The following COL20A1 variants were observed in gnomAD, a reference collection of about 807,000 sequenced individuals.
The protein encoded by COL20A1 is collagen type XX alpha 1 chain.
COL20A1 carries 164 observed loss-of-function variants against 152.9 expected under a neutral mutation model. The ratio of observed to expected loss-of-function variants is 1.07; its 90% CI spans 0.94 to 1.22. The LOEUF (loss-of-function observed/expected upper bound fraction) is 1.22. COL20A1 is among the 50% of genes most tolerant of loss of function. COL20A1 has a pLI of 0.00. For synonymous variants in COL20A1, 864 were observed against 756.0 expected (o/e 1.14, Z -2.34); for missense variants, 1,873 against 1,744.8 (o/e 1.07, Z -1.31).
At position 63,305,319 on chromosome 20, in the gene COL20A1, G is replaced by A; in HGVS notation, c.194-98G>A. On this transcript the variant is annotated intron_variant, in intron 3 of 35. Coordinates refer to ENST00000358894, the MANE Select transcript of COL20A1 (RefSeq NM_020882.4). This position sits in a 1 kb window ranked among gnomAD's most constrained non-coding sequence, Gnocchi z 4.9. ...TCTCTGGCTTCAAGGGGAGCAGCTG[G>A]GGTGGGGAGGAGGAGCCAAGAGGGT... 1.0e-6 allele frequency: 1 copy of A among 978,014 alleles called. No individual in the cohort carries two copies. The highest frequency in any genetic ancestry group is 3.2e-5 in the East Asian group (1 of 30,866). The allele number at this position is 978,014 out of a possible 1,614,324, so 60.6% of individuals were successfully genotyped here. A position where few individuals can be genotyped will look rare whatever the true frequency, so the allele number is the denominator to read the frequency against.
intron 26 of COL20A1, among the ~76,000 whole-genome samples, chr20:63,321,328 C>T (rs1768333293): frequency 6.6e-6 from 1 of 152,170 alleles, no homozygotes; most frequent in African/African-American, 2.4e-5. Flanking sequence ...CCTGCGAACC[C>T]TCCTCTAGTG....
In COL20A1 at chr20:63,312,516, G is replaced by A. The variant is rs1202366877; in HGVS notation, c.1900G>A (p.Gly634Ser). ...VRVTCLYPGG[G>S]SSTLTGRVTT... is the part of the protein sequence containing the mutation. ...TGTCACCTGCCTCTACCCTGGGGGT[G>A]GCTCCTCTACGCTGACTGGCCGGGT... The change falls in exon 15 of 36, where the codon GGC becomes AGC. Residue 634 changes from glycine to serine, a missense_variant. By Grantham distance (56) the Gly-to-Ser change is moderately conservative. Coordinates refer to ENST00000358894, the MANE Select transcript of COL20A1 (RefSeq NM_020882.4). The A allele has an allele frequency of 1.2e-6, 2 of 1,606,718 alleles. No individual in the cohort carries two copies. The highest frequency in any genetic ancestry group is 1.1e-5 in the South Asian group (1 of 90,508).
rs765782240 is a variant in COL20A1 at position 63,311,593 on chromosome 20, G to A, written c.1540-32G>A. On this transcript the variant is annotated intron_variant, in intron 12 of 35. Transcript: ENST00000358894. This position sits in a 1 kb window ranked among gnomAD's most constrained non-coding sequence, Gnocchi z 4.4. The stretch of plus-strand genomic sequence containing the variant: ...GGCAGAGGAGTGGGGCAGAGCGAGT[G>A]GGGGCTGGCCTGGGACGTCATGTCT... 3.1e-6 allele frequency: 5 copies of A among 1,610,396 alleles called. No homozygotes were observed. Among genetic ancestry groups the A allele is most frequent in the South Asian group, 2.2e-5 (2 of 90,922 alleles).
In COL20A1 at chr20:63,301,984, G is replaced by C. The variant is rs1351373245; in HGVS notation, c.194-3433G>C. On this transcript the variant is annotated intron_variant, in intron 3 of 35. Coordinates refer to ENST00000358894, the MANE Select transcript of COL20A1 (RefSeq NM_020882.4). Reference sequence around the variant, plus strand: ...TTTTATTCTCCGCTTTCTTGTCTTTGTTTGAACTGATTTTTCAATGGAAAA... The same window carrying C: ...TTTTATTCTCCGCTTTCTTGTCTTTCTTTGAACTGATTTTTCAATGGAAAA... 2.0e-5 allele frequency among the ~76,000 whole-genome samples: 3 copies of C among 151,632 alleles called. No homozygotes were observed. In the East Asian group the frequency reaches 5.8e-4, roughly 29 times the overall value.
chr20:63,327,724 G>T, intron 31 of COL20A1: 1 of 587,124 alleles, frequency 1.7e-6, no homozygotes, highest in Admixed American at 3.0e-5. Context: ...ACAAGTTCCA[G>T]CCCCACTCAG....
intron 3 of COL20A1, among the ~76,000 whole-genome samples, chr20:63,299,764 A>G (rs1479240714): frequency 6.6e-6 from 1 of 151,916 alleles, no homozygotes; most frequent in African/African-American, 2.4e-5. Context: ...CCTTTATTTG[A>G]TTAATGTAGT....
At chr20:63,312,111 C>T in intron 14 of COL20A1, 56 bp downstream of exon 14, 2 of 1,490,288 alleles carry the variant, frequency 1.3e-6, no homozygotes, top group Admixed American at 2.3e-5. Context: ...AGGGCCCTGT[C>T]TGGCAGGCAT....
rs1198240510 is a variant in COL20A1, at chr20:63,321,092, G to A, written c.3233G>A (p.Gly1078Glu). The A allele has an allele frequency of 6.3e-7, 1 of 1,594,266 alleles. No homozygotes were observed. The highest frequency in any genetic ancestry group is 8.5e-7 in the Non-Finnish European group (1 of 1,170,512). The change falls in exon 26 of 36, where the codon GGA becomes GAA. Residue 1078 changes from glycine to glutamate, a missense_variant. Physicochemically the swap from Gly to Glu is moderately conservative, Grantham distance 98. Coordinates refer to ENST00000358894, the MANE Select transcript of COL20A1 (RefSeq NM_020882.4). Reference protein sequence around the residue: ...SETPGPPGPQGPPGLPGRNGT... With the variant: ...SETPGPPGPQEPPGLPGRNGT... Reference sequence around the variant, plus strand: ...ACCCCTGGGCCCCCAGGACCTCAAGGACCCCCAGTGAGTCCAGTGGCGTCT... The same window carrying A: ...ACCCCTGGGCCCCCAGGACCTCAAGAACCCCCAGTGAGTCCAGTGGCGTCT...
chr20:63,326,734 A>C lies in COL20A1; in HGVS notation c.3457-18A>C. On this transcript the variant is annotated intron_variant, in intron 30 of 35. Transcript: ENST00000358894. ...TGCTGGGGGCCCAAGCCAAACCCTG[A>C]CTTCTGTGTCTATGCAGGGGTTCCA... 1 of 1,424,632 alleles carries C rather than the reference A, an allele frequency of 7.0e-7. No homozygotes were observed. The highest frequency in any genetic ancestry group is 9.2e-7 in the Non-Finnish European group (1 of 1,089,362). The allele number at this position is 1,424,632 out of a possible 1,614,324, so 88.2% of individuals were successfully genotyped here.
chr20:63,312,026 G>A lies in COL20A1; in HGVS notation c.1774G>A (p.Val592Met). ...TGTGCGCCTGGTCAGGGTCACCTAT[G>A]TGTCCAGCGAGGGTGGACACTCGGG... ...RPVRLVRVTYVSSEGGHSGQT... is the reference protein window; with the variant it reads ...RPVRLVRVTYMSSEGGHSGQT... The change falls in exon 14 of 36, where the codon GTG becomes ATG. Residue 592 changes from valine (V) to methionine (M), a missense_variant. Val to Met is a conservative substitution (Grantham distance 21). Coordinates refer to ENST00000358894, the MANE Select transcript of COL20A1 (RefSeq NM_020882.4). 1 of 1,601,546 alleles carries A rather than the reference G, an allele frequency of 6.2e-7. No individual in the cohort carries two copies.
In COL20A1 at chr20:63,312,879, G is replaced by C. The variant is rs781569767; in HGVS notation, c.2021G>C (p.Gly674Ala). 18 of 1,557,348 alleles carry C rather than the reference G, an allele frequency of 1.2e-5. No individual in the cohort carries two copies. In the East Asian group the frequency reaches 3.9e-4, roughly 33 times the overall value. The change falls in exon 16 of 36, where the codon GGC becomes GCC. Residue 674 changes from glycine to alanine, a missense_variant. Gly to Ala is a moderately conservative substitution (Grantham distance 60). Coordinates refer to ENST00000358894, the MANE Select transcript of COL20A1 (RefSeq NM_020882.4). ...QLAWVAAAPS[G>A]VLVYQITWTP... ...GCGTGGGTGGCCGCAGCCCCGTCTG[G>C]CGTGCTTGTCTACCAGATCACGTGG...
At chr20:63,321,833 G>T (rs1476906697) in intron 26 of COL20A1, among the ~76,000 whole-genome samples, 1 of 152,002 alleles carries the variant, frequency 6.6e-6, no homozygotes, top group Non-Finnish European at 1.5e-5. Flanking sequence ...CTACTCAGGG[G>T]GCCGGGGTTT....
chr20:63,312,086 G>A (rs777466339), intron 14 of COL20A1, 31 bp downstream of exon 14: 2 of 1,523,916 alleles, frequency 1.3e-6, no homozygotes, highest in Admixed American at 4.2e-5. Context: ...GGGCCCGAGT[G>A]TCTTGAGGGA....
At position 63,309,932 on chromosome 20, in the gene COL20A1, A is replaced by G; in HGVS notation, c.1263+17A>G. 6.3e-7 allele frequency: 1 copy of G among 1,575,144 alleles called. No individual in the cohort carries two copies. The highest frequency in any genetic ancestry group is 1.2e-5 in the South Asian group (1 of 84,674). Reference sequence around the variant, plus strand: ...CCCAGGGAGGTGAGGGGGCCGGTATACAGGGCTCCCCGAGCCGGTCCTCAG... The same window carrying G: ...CCCAGGGAGGTGAGGGGGCCGGTATGCAGGGCTCCCCGAGCCGGTCCTCAG... On this transcript the variant is annotated intron_variant, in intron 10 of 35. Coordinates refer to ENST00000358894, the MANE Select transcript of COL20A1 (RefSeq NM_020882.4).
intron 6 of COL20A1, 95 bp downstream of exon 6, chr20:63,307,743 G>C (rs906116861): frequency 5.0e-6 from 7 of 1,405,726 alleles, no homozygotes; most frequent in Middle Eastern, 1.9e-4. Context: ...CCCCGTACCA[G>C]CCAGGGCTCT....
intron 2 of COL20A1, among the ~76,000 whole-genome samples, chr20:63,295,892 C>T (rs551049861): frequency 1.3e-5 from 2 of 152,394 alleles, no homozygotes; most frequent in Admixed American, 6.5e-5. Context: ...GCCAACGCGG[C>T]GCCTCCCGGC....
In COL20A1 at chr20:63,308,049, C is replaced by A. The variant is rs1466738599; in HGVS notation, c.734C>A (p.Ala245Asp). The A allele has an allele frequency of 6.2e-7, 1 of 1,612,596 alleles. No individual in the cohort carries two copies. Among genetic ancestry groups the A allele is most frequent in the South Asian group, 1.1e-5 (1 of 91,086 alleles). The change falls in exon 7 of 36, where the codon GCT becomes GAT. Residue 245 changes from alanine (A) to aspartate (D), a missense_variant. Physicochemically the swap from Ala to Asp is moderately radical, Grantham distance 126. Transcript: ENST00000358894. ...AGCACCAAGGAACAGGTGCTGGCAG[C>A]TGTGCGCCGCCTCCGCTACAAGGGG... The part of the protein sequence containing the change: ...SLSTKEQVLA[A>D]VRRLRYKGGN...
At chr20:63,329,820 G>A (rs945398220) in intron 35 of COL20A1, among the ~76,000 whole-genome samples, 159 bp downstream of exon 35, 3 of 152,186 alleles carry the variant, frequency 2.0e-5, no homozygotes, top group African/African-American at 7.2e-5. Flanking sequence ...GGGAAAGTAG[G>A]GTCAACTATG....
Position 63,305,279 on chromosome 20 carries a change from C to T in COL20A1, c.194-138C>T, listed in dbSNP as rs1175722225. 4 of 620,938 alleles carry T rather than the reference C, an allele frequency of 6.4e-6. No homozygotes were observed. Among genetic ancestry groups the T allele is most frequent in the Admixed American group, 7.8e-5 (2 of 25,672 alleles). The allele number at this position is 620,938 out of a possible 1,614,324, so 38.5% of individuals were successfully genotyped here. A position where few individuals can be genotyped will look rare whatever the true frequency, so the allele number is the denominator to read the frequency against. On this transcript the variant is annotated intron_variant, in intron 3 of 35. Transcript: ENST00000358894. The surrounding 1 kb of genome is among the most constrained non-coding windows in gnomAD (Gnocchi z 4.9). ...GAGCCCATGTCCCTTCCATCAGACC[C>T]TCTCCCTTTCTGTCTCTCTGGCTTC...
Sources: allele counts gnomAD v4.1 joint callset (sites outside exome capture counted in the v4.1 genomes callset), GRCh38; gene constraint gnomAD v4.1.1; non-coding constraint Gnocchi (gnomAD v3.1); transcripts MANE v1.5; gene names NCBI Gene and HGNC (gene_info 2026-07-23, HGNC 2026-07-21).